Variants in BBX observed in about 807,000 individuals in gnomAD.
BBX encodes BBX high mobility group box domain containing, also known as HMG box transcription factor BBX.
BBX carries 30 observed loss-of-function variants against 100.2 expected under a neutral mutation model. That is an observed-to-expected ratio of 0.30 (90% CI 0.22 to 0.41). The LOEUF is 0.41. Among genes scored for constraint, BBX ranks in the 10% least tolerant of loss-of-function variants. The pLI is 1.00. For missense variants in BBX, 1,023 were observed against 1,129.8 expected (o/e 0.91, Z 1.35); for synonymous variants, 376 against 388.1 (o/e 0.97, Z 0.37).
Position 107,778,440 on chromosome 3 carries a change from T to A in BBX, c.2124T>A (p.Phe708Leu), listed in dbSNP as rs776372415. 2 of 1,613,450 alleles carry A rather than the reference T, an allele frequency of 1.2e-6. No individual in the cohort carries two copies. Among genetic ancestry groups the A allele is most frequent in the Non-Finnish European group, 1.7e-6 (2 of 1,179,526 alleles). The change falls in exon 13 of 18, where the codon TTT (phenylalanine) becomes TTA (leucine). Residue 708 changes from phenylalanine to leucine, a missense_variant. Around this residue, in one of 9 missense-constraint regions of BBX, gnomAD observed 215 missense variants for 211.3 expected, o/e 1.02. Coordinates refer to ENST00000325805, the MANE Select transcript of BBX (RefSeq NM_001142568.3). ...NSLPQYSPVT[F>L]DRKCVPVPRK... ...TCCCTCAATATAGTCCTGTTACATT[T>A]GACCGGAAATGTGTACCTGTCCCAA...
At chr3:107,706,124 G>A (rs1365646496) in intron 3 of BBX, among the ~76,000 whole-genome samples, 1 of 149,826 alleles carries the variant, frequency 6.7e-6, no homozygotes, top group Non-Finnish European at 1.5e-5. Context: ...CTGGGTTCAA[G>A]CGATTCTCCT....
At chr3:107,636,557 A>G (rs2056862149) in intron 2 of BBX, among the ~76,000 whole-genome samples, 1 of 152,190 alleles carries the variant, frequency 6.6e-6, no homozygotes, top group South Asian at 2.1e-4. Context: ...AACCATGGCT[A>G]TTACAGGTAT....
At chr3:107,791,349 C>T (rs1473905012) in intron 15 of BBX, 50 bp downstream of exon 15, 32 of 1,449,802 alleles carry the variant, frequency 2.2e-5, no homozygotes, top group Non-Finnish European at 2.8e-5. Context: ...CTGGAAATGA[C>T]ATAAGTTGTA....
intron 13 of BBX, among the ~76,000 whole-genome samples, chr3:107,788,903 A>G (rs2068705950): frequency 6.6e-6 from 1 of 152,204 alleles, no homozygotes; most frequent in African/African-American, 2.4e-5. Flanking sequence ...ATGTGAGGGA[A>G]GTTAGGTTAG....
chr3:107,768,996 C>T (rs927701460), intron 10 of BBX, among the ~76,000 whole-genome samples: 3 of 34,572 alleles, frequency 8.7e-5, no homozygotes, highest in East Asian at 9.4e-4. Context: ...CTATTCTCTA[C>T]GGGTGGGGGG....
At chr3:107,558,877 A>G (rs1002638974) in intron 2 of BBX, among the ~76,000 whole-genome samples, 1 of 152,238 alleles carries the variant, frequency 6.6e-6, no homozygotes, top group African/African-American at 2.4e-5. Context: ...TGAACAAGGG[A>G]TGATTCAGAG....
rs371729555 is a variant in BBX at position 107,635,735 on chromosome 3, T to C, written c.-83-10101T>C. Among the ~76,000 whole-genome samples the C allele has an allele frequency of 2.0e-3, 294 of 149,962 alleles. 1 individual carries two copies. The highest frequency in any genetic ancestry group is 6.9e-3 in the African/African-American group (281 of 40,922). On this transcript the variant is annotated intron_variant, in intron 2 of 17. Coordinates refer to ENST00000325805, the MANE Select transcript of BBX (RefSeq NM_001142568.3). Reference sequence around the variant, plus strand: ...TTCATCTTTTTTTTTTTTTTTGGGATGGATTCTCACCCTGTTGCCCAGGCT... The same window carrying C: ...TTCATCTTTTTTTTTTTTTTTGGGACGGATTCTCACCCTGTTGCCCAGGCT...
intron 3 of BBX, among the ~76,000 whole-genome samples, chr3:107,647,449 G>A (rs555289012): frequency 6.6e-6 from 1 of 152,190 alleles, no homozygotes. Context: ...TTGCAATAGA[G>A]TGTTTTATTG....
At chr3:107,639,400 A>G (rs1284062360) in intron 2 of BBX, among the ~76,000 whole-genome samples, 3 of 152,112 alleles carry the variant, frequency 2.0e-5, no homozygotes, top group Non-Finnish European at 2.9e-5. Context: ...GGGGTATCCC[A>G]TGGGGCTGGG....
At chr3:107,648,611 A>G (rs951358295) in intron 3 of BBX, among the ~76,000 whole-genome samples, 4 of 152,174 alleles carry the variant, frequency 2.6e-5, no homozygotes, top group African/African-American at 9.7e-5. Flanking sequence ...TTCAAGAATC[A>G]TTCTAGTGAT....
chr3:107,712,102 C>G (rs2061761548), intron 4 of BBX, among the ~76,000 whole-genome samples: 1 of 152,144 alleles, frequency 6.6e-6, no homozygotes, highest in African/African-American at 2.4e-5. Context: ...GTCTGGAACT[C>G]ATGGCTTCAA....
rs574231707 is a variant in BBX, at chr3:107,554,733, G to C, written c.-84+28335G>C. Among the ~76,000 whole-genome samples, 3 of 148,026 alleles carry C rather than the reference G, an allele frequency of 2.0e-5. No individual in the cohort carries two copies. In the South Asian group the frequency reaches 6.5e-4, roughly 32 times the overall value. ...GTGAGACCCTGTCTCAAAAGAAAAG[G>C]AGAATTCTTAATTGTGTCCTGAGTC... On this transcript the variant is annotated intron_variant, in intron 2 of 17. Transcript: ENST00000325805.
chr3:107,575,772 A>C (rs2051727658), intron 2 of BBX, among the ~76,000 whole-genome samples: 2 of 152,204 alleles, frequency 1.3e-5, no homozygotes, highest in Non-Finnish European at 2.9e-5. Context: ...AGTATCTCAA[A>C]AGTTTTAGTA....
chr3:107,747,997 T>G lies in BBX; in HGVS notation c.783T>G (p.Ser261=), dbSNP rs1220812684. 1 of 1,613,652 alleles carries G rather than the reference T, an allele frequency of 6.2e-7. No homozygotes were observed. Among genetic ancestry groups the G allele is most frequent in the Admixed American group, 1.7e-5 (1 of 59,998 alleles). The change falls in exon 9 of 18, where the codon TCT becomes TCG. Residue 261 remains serine, a synonymous_variant. Coordinates refer to ENST00000325805, the MANE Select transcript of BBX (RefSeq NM_001142568.3). The part of the protein sequence containing the change: ...ISSSTSHSDA[S]TKQCQTSALF... Reference sequence around the variant, plus strand: ...CAAGTACGTCCCACTCTGATGCTTCTACAAAGCAGTGTCAAACATCTGCCT... The same window carrying G: ...CAAGTACGTCCCACTCTGATGCTTCGACAAAGCAGTGTCAAACATCTGCCT...
At position 107,696,264 on chromosome 3, in the gene BBX, G is replaced by A. The variant is rs73620781; in HGVS notation, c.-9-14188G>A. On this transcript the variant is annotated intron_variant, in intron 3 of 17. Coordinates refer to ENST00000325805, the MANE Select transcript of BBX (RefSeq NM_001142568.3). ...GTGATGTTAGCTGGTTATTTTGCTCGTTAGTTGATCGCAGTTTCTTCCTAG... is the reference window on the plus strand; with the variant it reads ...GTGATGTTAGCTGGTTATTTTGCTCATTAGTTGATCGCAGTTTCTTCCTAG... Among the ~76,000 whole-genome samples the A allele has an allele frequency of 1.8e-3, 272 of 151,876 alleles. 9 individuals carry two copies. Among genetic ancestry groups the A allele is most frequent in the African/African-American group, 6.3e-3 (259 of 41,174 alleles).
intron 13 of BBX, among the ~76,000 whole-genome samples, chr3:107,784,607 A>G (rs567571072): frequency 1.2e-3 from 175 of 152,090 alleles, no homozygotes; most frequent in African/African-American, 3.8e-3. Context: ...TGAAATGAAT[A>G]AAAATGAAGA....
intron 2 of BBX, among the ~76,000 whole-genome samples, chr3:107,630,139 G>C (rs2056454928): frequency 2.0e-5 from 3 of 152,056 alleles, no homozygotes; most frequent in Non-Finnish European, 4.4e-5. Context: ...AATCCCCTGG[G>C]GAGCTTTTCC....
intron 2 of BBX, among the ~76,000 whole-genome samples, chr3:107,633,618 C>A (rs1359544147): frequency 6.6e-6 from 1 of 152,144 alleles, no homozygotes; most frequent in Non-Finnish European, 1.5e-5. Flanking sequence ...ATGTTAGAAT[C>A]TTAGACTCTA....
chr3:107,534,850 G>A (rs913337563), intron 2 of BBX, among the ~76,000 whole-genome samples: 1 of 152,176 alleles, frequency 6.6e-6, no homozygotes, highest in Non-Finnish European at 1.5e-5. Flanking sequence ...GTTTTAGGTT[G>A]ATAGAATGAC....
Sources: allele counts gnomAD v4.1 joint callset (sites outside exome capture counted in the v4.1 genomes callset), GRCh38; gene constraint gnomAD v4.1.1; regional missense constraint gnomAD v4.1.1; transcripts MANE v1.5; gene names NCBI Gene and HGNC (gene_info 2026-07-23, HGNC 2026-07-21).